The following ULK4 variants were observed in gnomAD, a reference collection of about 807,000 sequenced individuals.
ULK4 encodes the protein unc-51 like kinase 4.
In ULK4, 133 loss-of-function variants were observed where a neutral mutation model predicts 160.6. The observed-to-expected ratio is 0.83, with a 90% CI of 0.72 to 0.96. ULK4 has a LOEUF of 0.96. Ranked by LOEUF, ULK4 falls within the 40% of genes least tolerant of loss-of-function variation. The pLI is 0.00. For synonymous variants in ULK4, 534 were observed against 539.8 expected, an observed-to-expected ratio of 0.99 and a Z score of 0.15; for missense variants, 1,580 against 1,499.5, an observed-to-expected ratio of 1.05 and a Z score of -0.89.
At chr3:41,292,037 G>T (rs1401795574) in intron 35 of ULK4, among the ~76,000 whole-genome samples, 1 of 151,776 alleles carries the variant, frequency 6.6e-6, no homozygotes, top group Non-Finnish European at 1.5e-5. Flanking sequence ...GTTTCACCGT[G>T]TTAGCCAGGA....
intron 21 of ULK4, among the ~76,000 whole-genome samples, chr3:41,770,468 C>T (rs2039315330): frequency 6.6e-6 from 1 of 151,764 alleles, no homozygotes; most frequent in African/African-American, 2.4e-5. Flanking sequence ...AGGATTACTA[C>T]CAAAAATTGT....
At chr3:41,490,223 C>T (rs1442205017) in intron 32 of ULK4, among the ~76,000 whole-genome samples, 1 of 152,184 alleles carries the variant, frequency 6.6e-6, no homozygotes, top group Non-Finnish European at 1.5e-5. Context: ...GGCAGCTAAT[C>T]ATGCTTAACA....
At chr3:41,479,172 C>T (rs138357092) in intron 32 of ULK4, among the ~76,000 whole-genome samples, 29 of 152,326 alleles carry the variant, frequency 1.9e-4, no homozygotes, top group African/African-American at 6.7e-4. Flanking sequence ...GGAGAACAAC[C>T]TTTAGAGCCC....
intron 31 of ULK4, among the ~76,000 whole-genome samples, chr3:41,574,531 C>CTT (rs568406782): frequency 0.21 from 19,282 of 90,390 alleles, 5,254 homozygotes; most frequent in Non-Finnish European, 0.32. Context: ...CCAGAGTCCT[C>CTT]TTTTTTTTTT....
rs3038324 is a variant in ULK4 at position 41,272,343 on chromosome 3, GTTTTTTT to G, written c.3679-22776_3679-22770del. Among the ~76,000 whole-genome samples the G allele has an allele frequency of 6.1e-3, 580 of 95,502 alleles. 4 individuals carry two copies. Among genetic ancestry groups the G allele is most frequent in the African/African-American group, 0.018 (472 of 26,224 alleles). 62.7% of individuals were successfully genotyped at this position (95,502 alleles called of 152,430 possible). On this transcript the variant is annotated intron_variant, in intron 35 of 36. Coordinates refer to ENST00000301831, the MANE Select transcript of ULK4 (RefSeq NM_017886.4). ...TCTTTTGTTGCTTTCAATTTTGAAA[GTTTTTTT>G]TTTTTTTTTTTTTTTTTTGCTGGAA...
chr3:41,894,883 T>C, intron 16 of ULK4, among the ~76,000 whole-genome samples: 1 of 152,192 alleles, frequency 6.6e-6, no homozygotes, highest in East Asian at 1.9e-4. Context: ...CAGAGCCTTC[T>C]AACACTTGAT....
intron 31 of ULK4, among the ~76,000 whole-genome samples, chr3:41,594,684 T>C (rs1188105055): frequency 6.6e-6 from 1 of 152,182 alleles, no homozygotes; most frequent in Non-Finnish European, 1.5e-5. Context: ...GGATTTTCAA[T>C]TGGATGTTAA....
At chr3:41,600,884 C>T (rs2032017563) in intron 31 of ULK4, among the ~76,000 whole-genome samples, 1 of 152,186 alleles carries the variant, frequency 6.6e-6, no homozygotes, top group African/African-American at 2.4e-5. Context: ...TTGCTTCTCT[C>T]CCTAGCACAC....
intron 32 of ULK4, among the ~76,000 whole-genome samples, chr3:41,477,302 T>C (rs2084173014): frequency 6.6e-6 from 1 of 152,250 alleles, no homozygotes; most frequent in Non-Finnish European, 1.5e-5. Flanking sequence ...CATTGTGTTC[T>C]TGTTATTAGT....
At chr3:41,393,209 A>G (rs1217346347) in intron 35 of ULK4, among the ~76,000 whole-genome samples, 2 of 152,192 alleles carry the variant, frequency 1.3e-5, no homozygotes, top group Non-Finnish European at 2.9e-5. Context: ...CTCAGTAAAT[A>G]CTAAATACCT....
At chr3:41,376,677 G>A (rs1417313166) in intron 35 of ULK4, among the ~76,000 whole-genome samples, 1 of 149,558 alleles carries the variant, frequency 6.7e-6, no homozygotes, top group African/African-American at 2.5e-5. Context: ...GGGATGTGAA[G>A]GACCTCTTCA....
chr3:41,656,476 A>C, intron 30 of ULK4, among the ~76,000 whole-genome samples: 1 of 152,308 alleles, frequency 6.6e-6, no homozygotes, highest in South Asian at 2.1e-4. Flanking sequence ...GTCTATTTAT[A>C]AATCTATCTC....
At chr3:41,291,403 G>T (rs1310548745) in intron 35 of ULK4, among the ~76,000 whole-genome samples, 2 of 96,416 alleles carry the variant, frequency 2.1e-5, no homozygotes, top group African/African-American at 5.0e-5. Flanking sequence ...GAAAGAAAAA[G>T]AATAACGAAA....
At chr3:41,857,957 T>C (rs952056526) in intron 17 of ULK4, among the ~76,000 whole-genome samples, 2 of 152,126 alleles carry the variant, frequency 1.3e-5, no homozygotes, top group African/African-American at 4.8e-5. Context: ...ATTTCATTTA[T>C]TTCTGCTCTG....
intron 29 of ULK4, among the ~76,000 whole-genome samples, chr3:41,673,218 A>T (rs2035595741): frequency 6.6e-6 from 1 of 152,152 alleles, no homozygotes; most frequent in Admixed American, 6.5e-5. Flanking sequence ...GATTCTTATC[A>T]AAGATGGTCA....
In ULK4 at chr3:41,789,730, C is replaced by T. The variant is rs1306282773; in HGVS notation, c.2124G>A (p.Gln708=). The part of the protein sequence containing the change: ...SLASAICKVQ[Q]YMLTLFAAML... ...TGGCAGCGAATAAGGTCAACATGTA[C>T]TGCTGAACTTTGCAGATGGCAGAGG... Residue 708 remains glutamine (Q), a synonymous_variant, in exon 21 of 37, where the codon CAG becomes CAA. Transcript: ENST00000301831. 1 of 1,613,712 alleles carries T rather than the reference C, an allele frequency of 6.2e-7. No individual in the cohort carries two copies. Among genetic ancestry groups the T allele is most frequent in the Non-Finnish European group, 8.5e-7 (1 of 1,179,780 alleles).
chr3:41,914,919 G>C (rs1331853936), intron 8 of ULK4: 1 of 152,248 alleles, frequency 6.6e-6, no homozygotes, highest in Non-Finnish European at 1.5e-5. Context: ...TTGGGAGGCT[G>C]AGGCATGAGA....
intron 30 of ULK4, among the ~76,000 whole-genome samples, 182 bp downstream of exon 30, chr3:41,663,425 T>A (rs59421275): frequency 6.6e-6 from 1 of 152,112 alleles, no homozygotes; most frequent in Non-Finnish European, 1.5e-5. Flanking sequence ...ATTAAAAATA[T>A]GAGAACGAGA....
At chr3:41,824,115 A>T (rs2041249087) in intron 18 of ULK4, among the ~76,000 whole-genome samples, 1 of 147,900 alleles carries the variant, frequency 6.8e-6, no homozygotes, top group Non-Finnish European at 1.5e-5. Context: ...GTGAGCCAAG[A>T]TTATGTCACT....
Sources: gnomAD v4.1 joint callset for allele counts (sites outside exome capture counted in the v4.1 genomes callset) on GRCh38, gnomAD v4.1.1 for gene constraint, MANE v1.5 for transcripts, NCBI Gene and HGNC (gene_info 2026-07-23, HGNC 2026-07-21) for gene names.